USO1: variants seen among roughly 807,000 people sequenced by gnomAD.
USO1 encodes the protein USO1 vesicle transport factor.
Under a neutral mutation model 124.5 loss-of-function variants are expected in USO1, and 57 were observed. The ratio of observed to expected loss-of-function variants is 0.46; its 90% CI spans 0.37 to 0.57. The LOEUF (loss-of-function observed/expected upper bound fraction) is 0.57. USO1 is among the 20% of genes least tolerant of loss of function. USO1 has a pLI of 0.00. For missense variants in USO1, 900 were observed against 1,040.6 expected, an observed-to-expected ratio of 0.86 and a Z score of 1.86; for synonymous variants, 369 against 362.8, an observed-to-expected ratio of 1.02 and a Z score of -0.19.
In USO1 at chr4:75,724,901, G is replaced by A; in HGVS notation, c.66+16G>A. On this transcript the variant is annotated intron_variant, in intron 1 of 23. Coordinates refer to ENST00000514213, the MANE Select transcript of USO1 (RefSeq NM_003715.4). ...AGCCGAGACGGTGAGAGGAGCAGCG[G>A]GTCTGGGACTTGGGAAGGGGTCCGG... 1 of 1,612,602 alleles carries A rather than the reference G, an allele frequency of 6.2e-7. No homozygotes were observed. Among genetic ancestry groups the A allele is most frequent in the Non-Finnish European group, 8.5e-7 (1 of 1,179,172 alleles).
rs180712404 is a variant in USO1, at chr4:75,738,795, A to T, written c.67-13578A>T. Among the ~76,000 whole-genome samples the T allele has an allele frequency of 5.8e-3, 875 of 151,634 alleles. 15 individuals are homozygous for T. Among genetic ancestry groups the T allele is most frequent in the African/African-American group, 0.02 (813 of 41,328 alleles). ...TGTGCCGGGCCAAGTATATATATATATTTTTTTATCCTTTAAGTTCTGTCA... is the reference window on the plus strand; with the variant it reads ...TGTGCCGGGCCAAGTATATATATATTTTTTTTTATCCTTTAAGTTCTGTCA... On this transcript the variant is annotated intron_variant, in intron 1 of 23. Transcript: ENST00000514213.
At position 75,814,000 on chromosome 4, in the gene USO1, T is replaced by G; in HGVS notation, c.*705T>G. Reference sequence around the variant, plus strand: ...TTAAGCTAAACATCTAAAACAAATTTCAAGTTAACAGTTCATACAACTCAG... The same window carrying G: ...TTAAGCTAAACATCTAAAACAAATTGCAAGTTAACAGTTCATACAACTCAG... On this transcript the variant is annotated 3_prime_UTR_variant, in exon 24 of 24. Coordinates refer to ENST00000514213, the MANE Select transcript of USO1 (RefSeq NM_003715.4). The G allele has an allele frequency of 6.6e-6, 1 of 152,234 alleles. No individual in the cohort carries two copies. Among genetic ancestry groups the G allele is most frequent in the East Asian group, 1.9e-4 (1 of 5,206 alleles). 9.4% of individuals were successfully genotyped at this position (152,234 alleles called of 1,614,324 possible).
intron 7 of USO1, among the ~76,000 whole-genome samples, chr4:75,772,677 A>T (rs139306302): frequency 6.6e-6 from 1 of 152,172 alleles, no homozygotes; most frequent in African/African-American, 2.4e-5. Flanking sequence ...CTTCTGTTCT[A>T]TTCTTTCCAT....
chr4:75,802,736 C>CTTTTTTTTTTTTTTTTTT (rs997798305), intron 17 of USO1, among the ~76,000 whole-genome samples: 609 of 63,710 alleles, frequency 9.6e-3, no homozygotes, highest in Middle Eastern at 0.017. Context: ...TTTTTCTTTT[C>CTTTTTTTTTTTTTTTTTT]TTTTTTTTTT....
At chr4:75,783,521 C>T (rs1478997825) in intron 9 of USO1, among the ~76,000 whole-genome samples, 1 of 152,208 alleles carries the variant, frequency 6.6e-6, no homozygotes, top group African/African-American at 2.4e-5. Context: ...AATCCTCCTT[C>T]TCCAAACTGT....
intron 8 of USO1, among the ~76,000 whole-genome samples, chr4:75,779,091 G>A (rs1172692804): frequency 2.6e-5 from 4 of 151,946 alleles, no homozygotes; most frequent in Non-Finnish European, 4.4e-5. Flanking sequence ...ATTGTTTTGG[G>A]GTACCACAAA....
chr4:75,761,574 T>C lies in USO1; in HGVS notation c.295+4001T>C, dbSNP rs1467792153. Among the ~76,000 whole-genome samples the C allele has an allele frequency of 2.0e-5, 3 of 152,236 alleles. No homozygotes were observed. The East Asian group carries it at 5.8e-4, about 29-fold the overall frequency. On this transcript the variant is annotated intron_variant, in intron 4 of 23. Transcript: ENST00000514213. ...TAAAATAATGCATACTCAGTAATGA[T>C]GTTTTAGTTACTGACATTTCTTACC...
intron 17 of USO1, among the ~76,000 whole-genome samples, chr4:75,803,376 G>T (rs977934298): frequency 5.9e-5 from 9 of 151,802 alleles, no homozygotes; most frequent in African/African-American, 1.9e-4. Context: ...GGCCGGGCAC[G>T]GTGGCTCACG....
chr4:75,726,685 C>G (rs1289738999), intron 1 of USO1, among the ~76,000 whole-genome samples: 1 of 152,190 alleles, frequency 6.6e-6, no homozygotes, highest in Non-Finnish European at 1.5e-5. Flanking sequence ...CTGTAACACA[C>G]GCACACATTT....
intron 4 of USO1, among the ~76,000 whole-genome samples, chr4:75,764,769 T>C (rs1721716992): frequency 1.3e-5 from 2 of 152,320 alleles, no homozygotes; most frequent in East Asian, 1.9e-4. Context: ...CCACATAGTA[T>C]TTTAAGTAAG....
At chr4:75,798,364 C>A (rs1315336374) in intron 13 of USO1, among the ~76,000 whole-genome samples, 1 of 152,066 alleles carries the variant, frequency 6.6e-6, no homozygotes, top group Non-Finnish European at 1.5e-5. Flanking sequence ...GGTAGATGAA[C>A]AAAACATTTG....
In USO1 at chr4:75,813,220, T is replaced by A; in HGVS notation, c.2814T>A (p.Asp938Glu). The A allele has an allele frequency of 6.2e-7, 1 of 1,609,942 alleles. No individual in the cohort carries two copies. The highest frequency in any genetic ancestry group is 8.5e-7 in the Non-Finnish European group (1 of 1,178,738). ...TTTTCCTCTAGGTTGAAGAAGAGGA[T>A]GAACTTGAATCTGGAGACCAAGAGG... The part of the protein sequence containing the change: ...KDLGHPVEEE[D>E]ELESGDQEDE... Residue 938 changes from aspartate to glutamate, a missense_variant, in exon 24 of 24, where the codon GAT becomes GAA. Asp to Glu is a conservative substitution (Grantham distance 45, BLOSUM62 2). Transcript: ENST00000514213.
intron 8 of USO1, among the ~76,000 whole-genome samples, chr4:75,775,411 C>T (rs1343449714): frequency 2.6e-5 from 4 of 152,028 alleles, no homozygotes; most frequent in Non-Finnish European, 1.5e-5. Context: ...TGGTGGTAAA[C>T]ACCTGTAATC....
Position 75,788,382 on chromosome 4 carries a change from G to T in USO1, c.996+1180G>T, listed in dbSNP as rs113917804. ...AGGGTCTCACCATGTTGGCCAAGCT[G>T]GTCTCGAACTCCTGACCTCAAATGA... On this transcript the variant is annotated intron_variant, in intron 10 of 23. Transcript: ENST00000514213. Among the ~76,000 whole-genome samples the T allele has an allele frequency of 3.7e-3, 551 of 150,488 alleles. 2 individuals are homozygous for T. The highest frequency in any genetic ancestry group is 0.013 in the African/African-American group (539 of 41,050).
chr4:75,743,003 G>A (rs905891288), intron 1 of USO1, among the ~76,000 whole-genome samples: 1 of 77,384 alleles, frequency 1.3e-5, no homozygotes, highest in African/African-American at 5.0e-5. Context: ...TTTTTTTTTT[G>A]AGACAGAGTC....
At chr4:75,786,177 C>T (rs1209997361) in intron 9 of USO1, among the ~76,000 whole-genome samples, 1 of 152,128 alleles carries the variant, frequency 6.6e-6, no homozygotes, top group African/African-American at 2.4e-5. Context: ...TAACTCCTCC[C>T]TCACAAAAAA....
chr4:75,812,303 C>T lies in USO1; in HGVS notation c.2727C>T (p.Leu909=). The T allele has an allele frequency of 8.1e-6, 13 of 1,606,410 alleles. No individual in the cohort carries two copies. The highest frequency in any genetic ancestry group is 1.0e-5 in the Non-Finnish European group (12 of 1,176,284). ...ATTCTAAAAAAGAACAAGATGATCT[C>T]TTGGTGCTCTTGGCCGATCAAGATC... ...ITDSKKEQDD[L]LVLLADQDQK... is the part of the protein sequence containing the mutation. The change falls in exon 23 of 24, where the codon CTC becomes CTT. Residue 909 remains leucine, a synonymous_variant. Coordinates refer to ENST00000514213, the MANE Select transcript of USO1 (RefSeq NM_003715.4).
rs114037392 is a variant in USO1 at position 75,767,110 on chromosome 4, C to T, written c.296-3329C>T. ...TTCATTGGTTACTCTTTGTCTCCTT[C>T]GCAGTTTTCCTCCCCATCTCCCCAA... is the stretch of plus-strand genomic sequence containing the variant. On this transcript the variant is annotated intron_variant, in intron 4 of 23. Coordinates refer to ENST00000514213, the MANE Select transcript of USO1 (RefSeq NM_003715.4). Among the ~76,000 whole-genome samples, 1,108 of 152,228 alleles carry T rather than the reference C, an allele frequency of 7.3e-3. 13 individuals are homozygous for T. The highest frequency in any genetic ancestry group is 0.026 in the African/African-American group (1,067 of 41,512).
At position 75,813,300 on chromosome 4, in the gene USO1, C is replaced by G. The variant is rs1560465526; in HGVS notation, c.*5C>G. Reference sequence around the variant, plus strand: ...AAGGATCTAGATCATATCTAGTTTTCAAATCTCTAGGAACAATAGAGATTA... The same window carrying G: ...AAGGATCTAGATCATATCTAGTTTTGAAATCTCTAGGAACAATAGAGATTA... On this transcript the variant is annotated 3_prime_UTR_variant, in exon 24 of 24. Transcript: ENST00000514213. The G allele has an allele frequency of 6.3e-7, 1 of 1,591,990 alleles. No individual in the cohort carries two copies. Among genetic ancestry groups the G allele is most frequent in the Non-Finnish European group, 8.5e-7 (1 of 1,172,966 alleles).
Sources: gnomAD v4.1 joint callset for allele counts (sites outside exome capture counted in the v4.1 genomes callset) on GRCh38, gnomAD v4.1.1 for gene constraint, MANE v1.5 for transcripts, NCBI Gene and HGNC (gene_info 2026-07-23, HGNC 2026-07-21) for gene names.